Variants in CORO2B observed in about 807,000 individuals in gnomAD.
CORO2B encodes the protein coronin-2B.
Under a neutral mutation model 58.8 loss-of-function variants are expected in CORO2B, and 26 were observed. The observed-to-expected ratio is 0.44, with a 90% CI of 0.32 to 0.61. The LOEUF (loss-of-function observed/expected upper bound fraction) is 0.61. Ranked by LOEUF, CORO2B falls within the 20% of genes least tolerant of loss-of-function variation. The pLI, the probability that CORO2B is intolerant of heterozygous loss-of-function variation, is 0.04. For synonymous variants in CORO2B, 242 were observed against 253.8 expected, an observed-to-expected ratio of 0.95 and a Z score of 0.44; for missense variants, 460 against 645.1, an observed-to-expected ratio of 0.71 and a Z score of 3.11.
chr15:68,704,188 C>T (rs1407248566), intron 3 of CORO2B, among the ~76,000 whole-genome samples: 1 of 150,594 alleles, frequency 6.6e-6, no homozygotes, highest in Non-Finnish European at 1.5e-5. Context: ...TGCAGTGAGC[C>T]AAGATTGCAC....
the CORO2B span, among the ~76,000 whole-genome samples, chr15:68,550,625 T>G: frequency 6.6e-6 from 1 of 152,094 alleles, no homozygotes; most frequent in African/African-American, 2.4e-5. Flanking sequence ...CGCCCCCGAG[T>G]TCTGGGATTC....
chr15:68,534,517 T>A, the CORO2B span, among the ~76,000 whole-genome samples: 113,339 of 152,182 alleles, frequency 0.74, 42,679 homozygotes, highest in East Asian at 0.96. Flanking sequence ...CTTTAGGAAT[T>A]TATTTGCCAA....
chr15:68,524,690 C>G, the CORO2B span, among the ~76,000 whole-genome samples: 2 of 152,292 alleles, frequency 1.3e-5, no homozygotes, highest in East Asian at 3.9e-4. Context: ...GTAGAGGAGG[C>G]CTAACTAAAA....
intron 2 of CORO2B, among the ~76,000 whole-genome samples, chr15:68,655,052 G>C (rs1205285773): frequency 2.2e-4 from 34 of 152,298 alleles, no homozygotes. Context: ...GGGATTCTAG[G>C]GAGGGTCCAG....
intron 2 of CORO2B, among the ~76,000 whole-genome samples, chr15:68,658,469 G>A (rs1196558867): frequency 6.6e-6 from 1 of 152,244 alleles, no homozygotes; most frequent in Non-Finnish European, 1.5e-5. Context: ...GGGTAGAAGC[G>A]GGAGGGGCTG....
intron 2 of CORO2B, among the ~76,000 whole-genome samples, chr15:68,661,808 A>T (rs1271194067): frequency 1.3e-5 from 2 of 152,128 alleles, no homozygotes; most frequent in African/African-American, 4.8e-5. Flanking sequence ...GGAGTTCAAG[A>T]CCAGCCTAGC....
At chr15:68,687,184 T>A (rs1183210771) in intron 2 of CORO2B, among the ~76,000 whole-genome samples, 1 of 152,194 alleles carries the variant, frequency 6.6e-6, no homozygotes, top group African/African-American at 2.4e-5. Context: ...GGTCTGGGAA[T>A]CTGGGAAGCC....
At chr15:68,654,358 A>G (rs1031389035) in intron 2 of CORO2B, among the ~76,000 whole-genome samples, 1 of 152,198 alleles carries the variant, frequency 6.6e-6, no homozygotes, top group African/African-American at 2.4e-5. Flanking sequence ...GCCTGGGTCT[A>G]CAGCTGAGCT....
intron 1 of CORO2B, among the ~76,000 whole-genome samples, chr15:68,582,063 G>A (rs1009095747): frequency 6.6e-5 from 10 of 152,160 alleles, no homozygotes; most frequent in African/African-American, 2.4e-4. Context: ...TAGCACTTCT[G>A]TAGAGGAGGT....
At chr15:68,682,375 G>A (rs1419614704) in intron 2 of CORO2B, among the ~76,000 whole-genome samples, 1 of 152,206 alleles carries the variant, frequency 6.6e-6, no homozygotes, top group Non-Finnish European at 1.5e-5. Context: ...AGAGGAAGGA[G>A]CAGATGTAAA....
chr15:68,698,338 T>C (rs1302703837), intron 3 of CORO2B, among the ~76,000 whole-genome samples: 1 of 152,186 alleles, frequency 6.6e-6, no homozygotes, highest in Non-Finnish European at 1.5e-5. Flanking sequence ...CCAGGGCTCC[T>C]GGAATCACTG....
chr15:68,614,782 C>T (rs1409645652), intron 1 of CORO2B, among the ~76,000 whole-genome samples: 3 of 152,232 alleles, frequency 2.0e-5, no homozygotes, highest in Admixed American at 2.0e-4. Context: ...TTATCCGCTC[C>T]TCTCAGCTCT....
chr15:68,560,147 TC>T, the CORO2B span, among the ~76,000 whole-genome samples: 5 of 152,148 alleles, frequency 3.3e-5, no homozygotes, highest in African/African-American at 1.2e-4. Flanking sequence ...CCTGGGAAGA[TC>T]CGGATATTGA....
At chr15:68,586,121 C>T (rs1029682988) in intron 1 of CORO2B, among the ~76,000 whole-genome samples, 2 of 152,204 alleles carry the variant, frequency 1.3e-5, no homozygotes, top group Non-Finnish European at 2.9e-5. Flanking sequence ...CAAGTTGCCT[C>T]ACCTCTCTGA....
chr15:68,619,334 C>T (rs1900451199), intron 1 of CORO2B, among the ~76,000 whole-genome samples: 1 of 152,114 alleles, frequency 6.6e-6, no homozygotes, highest in Non-Finnish European at 1.5e-5. Flanking sequence ...GCAATGTATG[C>T]ATTTTAGTAT....
chr15:68,583,919 C>G (rs777282690), intron 1 of CORO2B, among the ~76,000 whole-genome samples: 2 of 152,220 alleles, frequency 1.3e-5, no homozygotes, highest in African/African-American at 2.4e-5. Flanking sequence ...TGCCCACACA[C>G]CCATTATGCC....
At chr15:68,722,806 G>A (rs1267199026) in intron 11 of CORO2B, among the ~76,000 whole-genome samples, 8 of 152,160 alleles carry the variant, frequency 5.3e-5, no homozygotes, top group Admixed American at 4.6e-4. Context: ...GGTGGCTCAC[G>A]CCTATAATCC....
At chr15:68,662,429 A>AT in intron 2 of CORO2B, among the ~76,000 whole-genome samples, 1 of 152,226 alleles carries the variant, frequency 6.6e-6, no homozygotes, top group East Asian at 1.9e-4. Flanking sequence ...ATTTCCTTTT[A>AT]TTTTTTTACA....
the CORO2B span, among the ~76,000 whole-genome samples, chr15:68,549,887 G>A: frequency 2.0e-5 from 3 of 152,026 alleles, no homozygotes; most frequent in Non-Finnish European, 2.9e-5. Context: ...GTTGCAGTGA[G>A]CTGAGATTGT....
Sources: gnomAD v4.1 joint callset for allele counts (sites outside exome capture counted in the v4.1 genomes callset) on GRCh38, gnomAD v4.1.1 for gene constraint, MANE v1.5 for transcripts, NCBI Gene and HGNC (gene_info 2026-07-23, HGNC 2026-07-21) for gene names.